Variants in SLIT3 observed in about 807,000 individuals in gnomAD.
SLIT3 encodes slit homolog 3 protein.
In SLIT3, 68 loss-of-function variants were observed where a neutral mutation model predicts 184.0. That is an observed-to-expected ratio of 0.37 (90% confidence interval 0.30 to 0.45). The LOEUF (loss-of-function observed/expected upper bound fraction) is 0.45. Ranked by LOEUF, SLIT3 falls within the 20% of genes least tolerant of loss-of-function variation. SLIT3 has a pLI of 1.00. For missense variants in SLIT3, 1,707 were observed against 2,026.0 expected (o/e 0.84, Z 3.02); for synonymous variants, 831 against 828.6 (o/e 1.00, Z -0.05).
chr5:169,205,029 A>C (rs1302835902), intron 3 of SLIT3, among the ~76,000 whole-genome samples: 1 of 152,176 alleles, frequency 6.6e-6, no homozygotes, highest in Non-Finnish European at 1.5e-5. Context: ...ATGATGGAGG[A>C]AGAGAGGGGC....
intron 4 of SLIT3, among the ~76,000 whole-genome samples, chr5:168,985,726 G>C (rs901052575): frequency 1.3e-5 from 2 of 152,172 alleles, no homozygotes; most frequent in Non-Finnish European, 2.9e-5. Context: ...CCTTGAACCG[G>C]GAGGCTGTGA....
In SLIT3 at chr5:168,772,884, G is replaced by A. The variant is rs764103204; in HGVS notation, c.1356C>T (p.Leu452=). 6.2e-7 allele frequency: 1 copy of A among 1,613,686 alleles called. No individual in the cohort carries two copies. The highest frequency in any genetic ancestry group is 1.1e-5 in the South Asian group (1 of 91,024). ...DCHLKWLADY[L]QDNPIETSGA... ...CGCTTGTCTCGATGGGGTTGTCCTG[G>A]AGGTAGTCGGCCAGCCACTTCAAGT... The change falls in exon 14 of 36, where the codon CTC becomes CTT. Residue 452 remains leucine, a synonymous_variant. Transcript: ENST00000519560.
At chr5:168,993,519 C>G (rs1436625039) in intron 4 of SLIT3, among the ~76,000 whole-genome samples, 2 of 152,250 alleles carry the variant, frequency 1.3e-5, no homozygotes, top group African/African-American at 2.4e-5. Flanking sequence ...GGGTCAACCT[C>G]TCTCTGTGGG....
intron 1 of SLIT3, among the ~76,000 whole-genome samples, chr5:169,281,303 C>T (rs1384267459): frequency 6.6e-6 from 1 of 152,214 alleles, no homozygotes; most frequent in East Asian, 1.9e-4. Context: ...ATGGTGAAAC[C>T]CCGTCTCTAC....
At chr5:168,752,838 T>G in intron 18 of SLIT3, 117 bp downstream of exon 18, 2 of 1,062,448 alleles carry the variant, frequency 1.9e-6, no homozygotes, top group Admixed American at 2.3e-5. Context: ...GCCTGACGAG[T>G]TTTTAAGTGG....
At chr5:168,707,312 G>C (rs1055269539) in intron 26 of SLIT3, 1 of 152,862 alleles carries the variant, frequency 6.5e-6, no homozygotes, top group Non-Finnish European at 1.5e-5. Context: ...TCTGTACTCG[G>C]TAGGTGCTGG....
intron 4 of SLIT3, among the ~76,000 whole-genome samples, chr5:168,888,150 T>C (rs1760294285): frequency 6.6e-6 from 1 of 152,022 alleles, no homozygotes; most frequent in African/African-American, 2.4e-5. Flanking sequence ...CCAGTGAGGA[T>C]GGAAACCTAA....
At chr5:169,298,947 T>A (rs1561793543) in intron 1 of SLIT3, among the ~76,000 whole-genome samples, 2 of 152,192 alleles carry the variant, frequency 1.3e-5, no homozygotes, top group Non-Finnish European at 2.9e-5. Flanking sequence ...CTAGCACTGG[T>A]GTGACGAGGA....
At chr5:169,203,244 G>T (rs1763959292) in intron 3 of SLIT3, among the ~76,000 whole-genome samples, 2 of 152,148 alleles carry the variant, frequency 1.3e-5, no homozygotes, top group Admixed American at 1.3e-4. Context: ...TCTCTGGGGA[G>T]CCCCAGAAGA....
chr5:168,711,814 GGCC>G lies in SLIT3; in HGVS notation c.2555+466_2555+468del, dbSNP rs1247076371. Among the ~76,000 whole-genome samples, 6 of 152,152 alleles carry G rather than the reference GGCC, an allele frequency of 3.9e-5. No homozygotes were observed. In the South Asian group the frequency reaches 6.2e-4, roughly 16 times the overall value. ...TTTAGCTAGTCACCTAATATTTATG[GGCC>G]TCAGTTTTTCCTGTGTAAAATAAGA... On this transcript the variant is annotated intron_variant, in intron 24 of 35. Transcript: ENST00000519560.
At chr5:169,081,058 C>G (rs1274902504) in intron 4 of SLIT3, among the ~76,000 whole-genome samples, 1 of 152,224 alleles carries the variant, frequency 6.6e-6, no homozygotes, top group African/African-American at 2.4e-5. Context: ...CCCGCTCCAG[C>G]TCCAGGACTT....
intron 4 of SLIT3, among the ~76,000 whole-genome samples, chr5:169,165,302 C>T (rs1474263666): frequency 6.6e-6 from 1 of 152,178 alleles, no homozygotes; most frequent in Non-Finnish European, 1.5e-5. Flanking sequence ...CCTAGGCCAA[C>T]CTAAAAGAGA....
intron 1 of SLIT3, among the ~76,000 whole-genome samples, chr5:169,268,452 C>A (rs577980662): frequency 1.3e-5 from 2 of 152,216 alleles, no homozygotes. Context: ...AAGTGGCCCT[C>A]ACTTGCAGGC....
chr5:168,831,861 C>T (rs893023383), intron 6 of SLIT3, among the ~76,000 whole-genome samples: 4 of 152,140 alleles, frequency 2.6e-5, no homozygotes, highest in South Asian at 2.1e-4. Context: ...GGCAGAAATT[C>T]GTCTCCATCC....
chr5:168,879,135 T>C (rs1340471258), intron 5 of SLIT3, among the ~76,000 whole-genome samples: 1 of 152,250 alleles, frequency 6.6e-6, no homozygotes, highest in Non-Finnish European at 1.5e-5. Flanking sequence ...AAGCGTATGG[T>C]GTTACACATA....
At chr5:169,025,626 G>A (rs1352816534) in intron 4 of SLIT3, among the ~76,000 whole-genome samples, 1 of 152,188 alleles carries the variant, frequency 6.6e-6, no homozygotes, top group African/African-American at 2.4e-5. Context: ...GAAACTAAGA[G>A]ATGCCTGAGA....
rs539935599 is a variant in SLIT3, at chr5:168,710,443, A to T, written c.2719+452T>A. Among the ~76,000 whole-genome samples, 4 of 152,266 alleles carry T rather than the reference A, an allele frequency of 2.6e-5. No individual in the cohort carries two copies. The South Asian group carries it at 6.2e-4, about 24-fold the overall frequency. ...ATGGGAAAATGCTTATGTTTTAATAATGTTGGATTAAAAAATGCAGGTTGA... is the reference window on the plus strand; with the variant it reads ...ATGGGAAAATGCTTATGTTTTAATATTGTTGGATTAAAAAATGCAGGTTGA... On this transcript the variant is annotated intron_variant, in intron 25 of 35. Transcript: ENST00000519560.
intron 1 of SLIT3, among the ~76,000 whole-genome samples, chr5:169,254,707 T>A (rs1765890765): frequency 6.6e-6 from 1 of 152,114 alleles, no homozygotes; most frequent in African/African-American, 2.4e-5. Flanking sequence ...AAGCAGATGA[T>A]CTGAAGCCTC....
rs142637903 is a variant in SLIT3 at position 169,000,142 on chromosome 5, C to T, written c.414-116806G>A. On this transcript the variant is annotated intron_variant, in intron 4 of 35. Coordinates refer to ENST00000519560, the MANE Select transcript of SLIT3 (RefSeq NM_003062.4). ...ATGGCCGGGTGCGGTGGCTGTAATC[C>T]CAGCACTTTGGGAGGCTGAGGCAGG... 9.8e-3 allele frequency among the ~76,000 whole-genome samples: 1,484 copies of T among 152,018 alleles called. 33 individuals are homozygous for T. Among genetic ancestry groups the T allele is most frequent in the African/African-American group, 0.034 (1,414 of 41,460 alleles).
Sources: gnomAD v4.1 joint callset for allele counts (sites outside exome capture counted in the v4.1 genomes callset) on GRCh38, gnomAD v4.1.1 for gene constraint, MANE v1.5 for transcripts, NCBI Gene and HGNC (gene_info 2026-07-23, HGNC 2026-07-21) for gene names.